WWOX: variants seen among roughly 807,000 people sequenced by gnomAD.
The protein encoded by WWOX is WW domain containing oxidoreductase, also known as WW domain-containing oxidoreductase.
Under a neutral mutation model 46.2 loss-of-function variants are expected in WWOX, and 69 were observed. The ratio of observed to expected loss-of-function variants is 1.49; its 90% CI spans 1.23 to 1.82. WWOX has a LOEUF of 1.82. WWOX is among the 40% of genes most tolerant of loss of function. The pLI, the probability that WWOX is intolerant of heterozygous loss-of-function variation, is 0.00. For synonymous variants in WWOX, 359 were observed against 202.6 expected (o/e 1.77, Z -6.56); for missense variants, 919 against 542.6 (o/e 1.69, Z -6.89).
At chr16:78,560,066 A>T (rs542678641) in intron 8 of WWOX, among the ~76,000 whole-genome samples, 1 of 152,328 alleles carries the variant, frequency 6.6e-6, no homozygotes, top group African/African-American at 2.4e-5. Flanking sequence ...GGTTGTTAGG[A>T]GAAATTTACA....
At chr16:78,334,808 GCACACACACACACA>G (rs752956790) in intron 5 of WWOX, among the ~76,000 whole-genome samples, 3 of 78,754 alleles carry the variant, frequency 3.8e-5, no homozygotes, top group East Asian at 2.4e-4. Flanking sequence ...ACACACACAC[GCACACACACACACA>G]CACACACACA....
chr16:78,166,612 G>T (rs1177509615), intron 5 of WWOX: 7 of 150,594 alleles, frequency 4.6e-5, no homozygotes, highest in African/African-American at 1.7e-4. Context: ...AGGCTGGAGT[G>T]CAGTGGCACA....
intron 8 of WWOX, among the ~76,000 whole-genome samples, chr16:78,968,228 C>A (rs1018341007): frequency 4.6e-5 from 7 of 152,188 alleles, no homozygotes; most frequent in Admixed American, 2.0e-4. Flanking sequence ...ATGATTCATA[C>A]ATGCAAGTGA....
chr16:78,668,900 T>C (rs1007025083), intron 8 of WWOX, among the ~76,000 whole-genome samples: 1 of 152,138 alleles, frequency 6.6e-6, no homozygotes, highest in Non-Finnish European at 1.5e-5. Flanking sequence ...TCATCGGGCC[T>C]CCACATAGGG....
chr16:78,921,779 G>A (rs1453539627), intron 8 of WWOX, among the ~76,000 whole-genome samples: 1 of 152,184 alleles, frequency 6.6e-6, no homozygotes, highest in African/African-American at 2.4e-5. Context: ...AAGGCATGAT[G>A]CCCAAGATTG....
chr16:79,130,267 A>G (rs927619984), intron 8 of WWOX, among the ~76,000 whole-genome samples: 6 of 152,204 alleles, frequency 3.9e-5, no homozygotes, highest in African/African-American at 4.8e-5. Context: ...ATTTCTATAT[A>G]AAGTGCTTAG....
intron 6 of WWOX, among the ~76,000 whole-genome samples, chr16:78,420,808 C>T (rs8046289): frequency 0.25 from 38,656 of 151,830 alleles, 10,426 homozygotes; most frequent in African/African-American, 0.67. Context: ...AATAAATTAG[C>T]TAATGCTTAT....
intron 5 of WWOX, among the ~76,000 whole-genome samples, chr16:78,250,596 G>C (rs182385703): frequency 6.6e-6 from 1 of 152,290 alleles, no homozygotes; most frequent in Non-Finnish European, 1.5e-5. Context: ...AAGGCACCAG[G>C]TTCAAGAGCT....
intron 5 of WWOX, among the ~76,000 whole-genome samples, chr16:78,190,242 G>C (rs889423): frequency 0.046 from 6,964 of 152,254 alleles, 236 homozygotes; most frequent in African/African-American, 0.09. Flanking sequence ...GGCCTAGGAG[G>C]TGCAGGGATG....
chr16:78,865,969 A>T (rs2043994514), intron 8 of WWOX, among the ~76,000 whole-genome samples: 1 of 152,230 alleles, frequency 6.6e-6, no homozygotes, highest in Non-Finnish European at 1.5e-5. Context: ...AATGGTTTTT[A>T]AAAACCGTAG....
chr16:78,740,657 A>G (rs1469939172), intron 8 of WWOX, among the ~76,000 whole-genome samples: 1 of 152,124 alleles, frequency 6.6e-6, no homozygotes, highest in East Asian at 1.9e-4. Flanking sequence ...TGATTTGGCA[A>G]AAAGGTTAAT....
intron 8 of WWOX, among the ~76,000 whole-genome samples, chr16:79,080,844 A>T (rs969149606): frequency 6.6e-6 from 1 of 152,210 alleles, no homozygotes; most frequent in Admixed American, 6.5e-5. Flanking sequence ...CATGGCTTTT[A>T]TTCTAAGAGC....
chr16:79,166,074 A>T (rs2050588649), intron 8 of WWOX, among the ~76,000 whole-genome samples: 1 of 152,254 alleles, frequency 6.6e-6, no homozygotes, highest in South Asian at 2.1e-4. Flanking sequence ...AGCAGCATAG[A>T]CCAGCTTTAC....
intron 5 of WWOX, among the ~76,000 whole-genome samples, chr16:78,316,392 G>C (rs1448504120): frequency 1.3e-5 from 2 of 152,134 alleles, no homozygotes; most frequent in African/African-American, 4.8e-5. Flanking sequence ...CTGGGCTGGG[G>C]TGCAATGGCG....
intron 8 of WWOX, among the ~76,000 whole-genome samples, chr16:78,505,739 T>C (rs2085183676): frequency 6.6e-6 from 1 of 152,146 alleles, no homozygotes; most frequent in South Asian, 2.1e-4. Context: ...GGCTTAAGGC[T>C]GGAAGAAACC....
At position 78,755,764 on chromosome 16, in the gene WWOX, A is replaced by G. The variant is rs553193809; in HGVS notation, c.1056+323012A>G. Among the ~76,000 whole-genome samples, 9 of 152,266 alleles carry G rather than the reference A, an allele frequency of 5.9e-5. No homozygotes were observed. The East Asian group carries it at 1.7e-3, about 30-fold the overall frequency. On this transcript the variant is annotated intron_variant, in intron 8 of 8. Transcript: ENST00000566780. Reference sequence around the variant, plus strand: ...CCGAATATTATTCCTGAAAAGGGGCATGGGGATAATTACAAAAACATACCT... The same window carrying G: ...CCGAATATTATTCCTGAAAAGGGGCGTGGGGATAATTACAAAAACATACCT...
chr16:78,330,370 G>A (rs2080725794), intron 5 of WWOX, among the ~76,000 whole-genome samples: 1 of 151,450 alleles, frequency 6.6e-6, no homozygotes, highest in African/African-American at 2.4e-5. Flanking sequence ...AAATTAATGT[G>A]TTTAAAGAGA....
At chr16:78,879,650 G>A (rs897089635) in intron 8 of WWOX, among the ~76,000 whole-genome samples, 1 of 152,190 alleles carries the variant, frequency 6.6e-6, no homozygotes, top group Non-Finnish European at 1.5e-5. Flanking sequence ...GGCCGAGGCA[G>A]GCGGATCACC....
At chr16:78,631,169 G>T (rs189133350) in intron 8 of WWOX, among the ~76,000 whole-genome samples, 4 of 152,240 alleles carry the variant, frequency 2.6e-5, no homozygotes, top group Admixed American at 2.0e-4. Context: ...ATTTGGGGGG[G>T]TTCCTTGAAC....
Sources: gnomAD v4.1 joint callset for allele counts (sites outside exome capture counted in the v4.1 genomes callset) on GRCh38, gnomAD v4.1.1 for gene constraint, MANE v1.5 for transcripts, NCBI Gene and HGNC (gene_info 2026-07-23, HGNC 2026-07-21) for gene names.